Variants in EIF2D observed in about 807,000 individuals in gnomAD.
EIF2D encodes hepatocellular carcinoma-associated antigen 56.
In EIF2D, 56 loss-of-function variants were observed where a neutral mutation model predicts 77.4. That is an observed-to-expected ratio of 0.72 (90% CI 0.58 to 0.90). The LOEUF is 0.90. EIF2D is among the 40% of genes least tolerant of loss of function. The probability of loss-of-function intolerance (pLI) is 0.00; values close to 1 mark genes in which losing one functional copy is unlikely to be tolerated. For missense variants in EIF2D, 574 were observed against 706.5 expected (o/e 0.81, Z 2.13); for synonymous variants, 230 against 271.0 (o/e 0.85, Z 1.49).
chr1:206,600,507 G>T (rs1669877417), intron 7 of EIF2D, 199 bp from the exon 8 acceptor site: 1 of 532,664 alleles, frequency 1.9e-6, no homozygotes, highest in Non-Finnish European at 3.3e-6. Context: ...CTGTTCAAGA[G>T]AACTTTCCAT....
chr1:206,583,603 T>G, intron 2 of EIF2D: 1 of 522,430 alleles, frequency 1.9e-6, no homozygotes, highest in Non-Finnish European at 3.5e-6. Context: ...GCTTGTGATT[T>G]TGGGAAGCTC....
At position 206,593,672 on chromosome 1, in the gene EIF2D, A is replaced by C. The variant is rs143192959; in HGVS notation, c.1631T>G (p.Leu544Arg). ...VNPAPGAKDS[L>R]QVQIQGNQVH... ...CTGGTTTCCCTGGATCTGCACCTGA[A>C]GGCTGTCCTTGGCCCCAGGGGCAGG... Residue 544 changes from leucine (L) to arginine (R), a missense_variant, in exon 14 of 15, where the codon CTT (leucine) becomes CGT (arginine). Coordinates refer to ENST00000271764, the MANE Select transcript of EIF2D (RefSeq NM_006893.3). 6 of 1,613,934 alleles carry C rather than the reference A, an allele frequency of 3.7e-6. No individual in the cohort carries two copies. Among genetic ancestry groups the C allele is most frequent in the Non-Finnish European group, 4.2e-6 (5 of 1,179,922 alleles).
chr1:206,611,069 A>T (rs1553413829), intron 2 of EIF2D, 115 bp downstream of exon 2: 1 of 944,720 alleles, frequency 1.1e-6, no homozygotes, highest in African/African-American at 1.7e-5. Flanking sequence ...TGGGGATGGT[A>T]TTGGGAGATT....
chr1:206,602,894 G>T, intron 6 of EIF2D, 57 bp downstream of exon 6: 1 of 1,588,674 alleles, frequency 6.3e-7, no homozygotes, highest in East Asian at 2.2e-5. Context: ...AGTGGAGTTC[G>T]TCAGGCTCCT....
chr1:206,595,652 G>C, intron 13 of EIF2D, 66 bp downstream of exon 13: 3 of 1,574,168 alleles, frequency 1.9e-6, no homozygotes, highest in South Asian at 2.3e-5. Flanking sequence ...AATCACATTA[G>C]GGAGACCAGA....
chr1:206,609,051 CAA>C (rs201039918), intron 3 of EIF2D, among the ~76,000 whole-genome samples: 8 of 139,596 alleles, frequency 5.7e-5, no homozygotes, highest in Non-Finnish European at 7.9e-5. Flanking sequence ...GACTCCATCT[CAA>C]AAAAAAAAAA....
At position 206,591,757 on chromosome 1, in the gene EIF2D, G is replaced by A. The variant is rs1315826269; in HGVS notation, c.*18C>T. On this transcript the variant is annotated 3_prime_UTR_variant, in exon 15 of 15. Coordinates refer to ENST00000271764, the MANE Select transcript of EIF2D (RefSeq NM_006893.3). ...CTTGGATTTCCACCGGATCCACCACGTGAGACAAAAGAGTCTGTCACTTCT... is the reference window on the plus strand; with the variant it reads ...CTTGGATTTCCACCGGATCCACCACATGAGACAAAAGAGTCTGTCACTTCT... The A allele has an allele frequency of 1.9e-5, 30 of 1,613,090 alleles. No homozygotes were observed. The highest frequency in any genetic ancestry group is 1.6e-4 in the Middle Eastern group (1 of 6,084).
At chr1:206,590,250 A>G (rs1553408710), downstream of EIF2D, among the ~76,000 whole-genome samples, 1 of 152,198 alleles carries the variant, frequency 6.6e-6, no homozygotes, top group East Asian at 1.9e-4. Flanking sequence ...GCACTGTGTC[A>G]TGGCAGAATT....
chr1:206,596,008 CTG>C (rs1669628504), intron 12 of EIF2D, among the ~76,000 whole-genome samples, 170 bp from the exon 13 acceptor site: 1 of 152,128 alleles, frequency 6.6e-6, no homozygotes, highest in Non-Finnish European at 1.5e-5. Context: ...TCAATGAAAT[CTG>C]TATCTCTGAC....
downstream of EIF2D, chr1:206,586,944 A>C (rs372832789): frequency 6.2e-7 from 1 of 1,614,232 alleles, no homozygotes; most frequent in Non-Finnish European, 8.5e-7. Context: ...AAACTGGAGG[A>C]GGCCTTAAGA....
At chr1:206,604,363 G>A (rs1670077462) in intron 5 of EIF2D, among the ~76,000 whole-genome samples, 1 of 152,054 alleles carries the variant, frequency 6.6e-6, no homozygotes, top group African/African-American at 2.4e-5. Context: ...AGAATCACTT[G>A]AACCGAGAGG....
intron 4 of EIF2D, among the ~76,000 whole-genome samples, chr1:206,575,238 G>A (rs997282615): frequency 6.6e-6 from 1 of 152,146 alleles, no homozygotes; most frequent in African/African-American, 2.4e-5. Flanking sequence ...GTGGAAGGCA[G>A]CTGCAGATGG....
chr1:206,600,310 T>C lies in EIF2D; in HGVS notation c.903-2A>G. 1 of 1,613,846 alleles carries C rather than the reference T, an allele frequency of 6.2e-7. No homozygotes were observed. Among genetic ancestry groups the C allele is most frequent in the Non-Finnish European group, 8.5e-7 (1 of 1,179,790 alleles). ...ATGTCCAGTTGTCGTCCTTCGGGGC[T>C]GATGGCAGATGGAAAAGGCAAATTA... is the stretch of plus-strand genomic sequence containing the variant. On this transcript the variant is annotated splice_acceptor_variant, in intron 7 of 14. Transcript: ENST00000271764. LOFTEE classifies it high-confidence loss of function.
intron 2 of EIF2D, among the ~76,000 whole-genome samples, chr1:206,581,848 A>G (rs1668894564): frequency 1.3e-5 from 2 of 151,818 alleles, no homozygotes; most frequent in Admixed American, 1.3e-4. Flanking sequence ...TGGCTTGCTG[A>G]AGGGAGGAAG....
intron 2 of EIF2D, chr1:206,585,142 T>A (rs782757989): frequency 2.6e-6 from 4 of 1,534,856 alleles, no homozygotes; most frequent in Non-Finnish European, 3.6e-6. Context: ...GCCCTTCTTT[T>A]CTGGGAAGAG....
At chr1:206,569,247 C>T (rs1185460674), downstream of EIF2D, among the ~76,000 whole-genome samples, 1 of 152,232 alleles carries the variant, frequency 6.6e-6, no homozygotes, top group South Asian at 2.1e-4. Flanking sequence ...AGCCCATACA[C>T]ATCCTAAGGT....
chr1:206,576,937 G>A (rs1668679244), intron 4 of EIF2D, among the ~76,000 whole-genome samples: 1 of 151,838 alleles, frequency 6.6e-6, no homozygotes, highest in South Asian at 2.1e-4. Context: ...CTGAGTAGCT[G>A]GCACTACAGG....
intron 3 of EIF2D, among the ~76,000 whole-genome samples, chr1:206,608,697 C>A (rs1670319634): frequency 6.6e-6 from 1 of 152,152 alleles, no homozygotes; most frequent in East Asian, 1.9e-4. Context: ...GGTTTCTAAG[C>A]CAGAAGTGGG....
At chr1:206,596,065 A>G (rs1669631592) in intron 12 of EIF2D, among the ~76,000 whole-genome samples, 1 of 152,210 alleles carries the variant, frequency 6.6e-6, no homozygotes, top group South Asian at 2.1e-4. Context: ...CGGCCAAGGT[A>G]GACACCCACT....
Sources: gnomAD v4.1 joint callset for allele counts (sites outside exome capture counted in the v4.1 genomes callset) on GRCh38, gnomAD v4.1.1 for gene constraint, MANE v1.5 for transcripts, NCBI Gene and HGNC (gene_info 2026-07-23, HGNC 2026-07-21) for gene names.